The following PAK5 variants were observed in gnomAD, a reference collection of about 807,000 sequenced individuals.
PAK5 encodes serine/threonine-protein kinase PAK 5.
A neutral mutation model predicts 65.9 loss-of-function variants in PAK5; 16 were observed. That is an observed-to-expected ratio of 0.24 (90% CI 0.16 to 0.37). The LOEUF (loss-of-function observed/expected upper bound fraction) is 0.37, where lower values mean the gene tolerates loss of function less well. PAK5 is among the 10% of genes least tolerant of loss of function. The pLI is 1.00. For missense variants in PAK5, 785 were observed against 903.9 expected, an observed-to-expected ratio of 0.87 and a Z score of 1.69; for synonymous variants, 371 against 354.9, an observed-to-expected ratio of 1.05 and a Z score of -0.51.
At chr20:9,571,476 G>A (rs899454227) in intron 4 of PAK5, among the ~76,000 whole-genome samples, 1 of 152,208 alleles carries the variant, frequency 6.6e-6, no homozygotes, top group African/African-American at 2.4e-5. Flanking sequence ...CCAAGGGGAC[G>A]ACATAACCTA....
chr20:9,742,146 A>T (rs1189398831), intron 1 of PAK5, among the ~76,000 whole-genome samples: 1 of 152,016 alleles, frequency 6.6e-6, no homozygotes, highest in Non-Finnish European at 1.5e-5. Flanking sequence ...CTTCTTAGAG[A>T]AGATTCAAAT....
chr20:9,627,626 T>G (rs2046863564), intron 3 of PAK5, among the ~76,000 whole-genome samples: 2 of 152,048 alleles, frequency 1.3e-5, no homozygotes, highest in African/African-American at 4.8e-5. Flanking sequence ...TTTCTTTTCC[T>G]TTTCTTTTCT....
intron 1 of PAK5, among the ~76,000 whole-genome samples, chr20:9,785,545 G>A (rs888466542): frequency 6.6e-6 from 1 of 152,066 alleles, no homozygotes; most frequent in African/African-American, 2.4e-5. Context: ...AAATTATCAA[G>A]TCTCCAAGTG....
chr20:9,555,064 T>C (rs2045485760), intron 7 of PAK5, among the ~76,000 whole-genome samples: 1 of 152,186 alleles, frequency 6.6e-6, no homozygotes, highest in Admixed American at 6.5e-5. Flanking sequence ...GGGATTTTGT[T>C]TGTTTATTTA....
intron 1 of PAK5, among the ~76,000 whole-genome samples, chr20:9,783,102 A>G (rs897326793): frequency 2.6e-5 from 4 of 151,672 alleles, no homozygotes; most frequent in African/African-American, 7.3e-5. Flanking sequence ...ATAATCGGCT[A>G]ATTTTGTATT....
intron 7 of PAK5, among the ~76,000 whole-genome samples, chr20:9,549,700 G>A (rs1293517389): frequency 6.6e-6 from 1 of 152,142 alleles, no homozygotes; most frequent in Non-Finnish European, 1.5e-5. Flanking sequence ...CTTCTGTTTT[G>A]TTCCTAATTA....
intron 3 of PAK5, among the ~76,000 whole-genome samples, chr20:9,583,928 C>T (rs2046024382): frequency 1.3e-5 from 2 of 152,180 alleles, no homozygotes; most frequent in African/African-American, 4.8e-5. Context: ...AGTCAGTGTT[C>T]ATAAACTAAT....
chr20:9,722,135 A>G (rs1358025450), intron 1 of PAK5, among the ~76,000 whole-genome samples: 1 of 152,156 alleles, frequency 6.6e-6, no homozygotes. Context: ...ACTTGAATGA[A>G]CTGAGTGAGT....
At chr20:9,630,416 C>T (rs541586390) in intron 3 of PAK5, among the ~76,000 whole-genome samples, 3 of 152,318 alleles carry the variant, frequency 2.0e-5, no homozygotes, top group South Asian at 2.1e-4. Context: ...ATATGGGCAT[C>T]GTCCCTCAGT....
intron 1 of PAK5, among the ~76,000 whole-genome samples, chr20:9,725,286 A>C (rs534878121): frequency 6.6e-5 from 10 of 152,292 alleles, no homozygotes; most frequent in African/African-American, 2.4e-4. Flanking sequence ...CAAGGTGGGA[A>C]TATATCATTT....
rs149151308 is a variant in PAK5, at chr20:9,569,907, A to C, written c.991-3523T>G. Among the ~76,000 whole-genome samples, 182 of 149,700 alleles carry C rather than the reference A, an allele frequency of 1.2e-3. 5 individuals carry two copies. Among genetic ancestry groups the C allele is most frequent in the African/African-American group, 4.3e-3 (170 of 39,124 alleles). On this transcript the variant is annotated intron_variant, in intron 4 of 9. Coordinates refer to ENST00000353224, the MANE Select transcript of PAK5 (RefSeq NM_177990.4). ...CACTCAGACAGCCTTGGCATCAACC[A>C]GCAGGAACCAGGGTAGCTGCTAAGC...
chr20:9,735,658 C>CA (rs1301590870), intron 1 of PAK5, among the ~76,000 whole-genome samples: 1 of 151,968 alleles, frequency 6.6e-6, no homozygotes, highest in Non-Finnish European at 1.5e-5. Flanking sequence ...ACAAAAACAA[C>CA]AAAAAACAGC....
At chr20:9,692,106 G>A (rs2047805835) in intron 2 of PAK5, among the ~76,000 whole-genome samples, 1 of 152,140 alleles carries the variant, frequency 6.6e-6, no homozygotes, top group African/African-American at 2.4e-5. Context: ...CTTCCTTCCA[G>A]AGAATTAATA....
At chr20:9,574,114 G>A (rs556924620) in intron 4 of PAK5, among the ~76,000 whole-genome samples, 2 of 152,272 alleles carry the variant, frequency 1.3e-5, no homozygotes, top group African/African-American at 2.4e-5. Context: ...GAATTCTGGA[G>A]AGAATCATTA....
intron 1 of PAK5, among the ~76,000 whole-genome samples, chr20:9,723,086 A>G (rs1285924381): frequency 1.3e-5 from 2 of 152,320 alleles, no homozygotes; most frequent in Non-Finnish European, 2.9e-5. Flanking sequence ...CGAGGAAGCC[A>G]TTGACGAGCG....
chr20:9,768,698 G>A (rs926401312), intron 1 of PAK5, among the ~76,000 whole-genome samples: 1 of 148,188 alleles, frequency 6.7e-6, no homozygotes, highest in Non-Finnish European at 1.5e-5. Context: ...CAAGAGAATC[G>A]CTTGAATCCA....
At chr20:9,572,342 CT>C (rs140168095) in intron 4 of PAK5, among the ~76,000 whole-genome samples, 2,209 of 152,260 alleles carry the variant, frequency 0.015, 68 homozygotes, top group African/African-American at 0.051. Context: ...GTGTTCCATT[CT>C]AAGTTGTCTT....
At chr20:9,642,843 T>C (rs1206890691) in intron 3 of PAK5, among the ~76,000 whole-genome samples, 2 of 152,184 alleles carry the variant, frequency 1.3e-5, no homozygotes, top group African/African-American at 4.8e-5. Flanking sequence ...TTTTAGTTGG[T>C]TTGAAAAGTT....
intron 2 of PAK5, among the ~76,000 whole-genome samples, chr20:9,661,393 C>T (rs117466991): frequency 0.028 from 4,200 of 152,216 alleles, 67 homozygotes; most frequent in Non-Finnish European, 0.043. Flanking sequence ...AGATCCAGAC[C>T]CACCAAGGTG....
Sources: allele counts gnomAD v4.1 joint callset (sites outside exome capture counted in the v4.1 genomes callset), GRCh38; gene constraint gnomAD v4.1.1; transcripts MANE v1.5; gene names NCBI Gene and HGNC (gene_info 2026-07-23, HGNC 2026-07-21).